The following MAPKAP1 variants were observed in gnomAD, a reference collection of about 807,000 sequenced individuals.
The protein encoded by MAPKAP1 is MAPK associated protein 1.
Under a neutral mutation model 65.7 loss-of-function variants are expected in MAPKAP1, and 20 were observed. That is an observed-to-expected ratio of 0.30 (90% CI 0.21 to 0.44). The LOEUF (loss-of-function observed/expected upper bound fraction) is 0.44, where lower values mean the gene tolerates loss of function less well. Among genes scored for constraint, MAPKAP1 ranks in the 20% least tolerant of loss-of-function variants. The pLI, the probability that MAPKAP1 is intolerant of heterozygous loss-of-function variation, is 1.00. For missense variants in MAPKAP1, 423 were observed against 648.0 expected (o/e 0.65, Z 3.77); for synonymous variants, 222 against 244.3 (o/e 0.91, Z 0.85).
At chr9:125,503,015 G>T (rs919732661) in intron 8 of MAPKAP1, among the ~76,000 whole-genome samples, 1 of 151,980 alleles carries the variant, frequency 6.6e-6, no homozygotes, top group Non-Finnish European at 1.5e-5. Context: ...TGAAGTAATG[G>T]TTTTTATATC....
chr9:125,454,684 A>C (rs960746609), intron 10 of MAPKAP1, among the ~76,000 whole-genome samples: 2 of 152,096 alleles, frequency 1.3e-5, no homozygotes, highest in African/African-American at 4.8e-5. Flanking sequence ...GTTTTTGTTT[A>C]GTTTTATTTT....
intron 8 of MAPKAP1, among the ~76,000 whole-genome samples, chr9:125,494,925 G>A (rs1854884538): frequency 6.6e-6 from 1 of 152,138 alleles, no homozygotes; most frequent in South Asian, 2.1e-4. Flanking sequence ...GCCCAGAGGA[G>A]GGCTCAATCA....
At chr9:125,448,924 G>T (rs1362803673) in intron 10 of MAPKAP1, among the ~76,000 whole-genome samples, 3 of 148,774 alleles carry the variant, frequency 2.0e-5, no homozygotes, top group Non-Finnish European at 4.4e-5. Flanking sequence ...AGAATTGCTT[G>T]AACCCAGGAG....
Position 125,657,790 on chromosome 9 carries a change from A to G in MAPKAP1, c.359T>C (p.Leu120Ser). The G allele has an allele frequency of 6.2e-7, 1 of 1,613,832 alleles. No homozygotes were observed. Among genetic ancestry groups the G allele is most frequent in the Non-Finnish European group, 8.5e-7 (1 of 1,179,826 alleles). The change falls in exon 4 of 12, where the codon TTA becomes TCA. Residue 120 changes from leucine (L) to serine (S), a missense_variant. By Grantham distance (145) the Leu-to-Ser change is moderately radical. This residue lies in a region of MAPKAP1 where 67 missense variants were observed against 69.6 expected (regional missense o/e 0.96). Coordinates refer to ENST00000265960, the MANE Select transcript of MAPKAP1 (RefSeq NM_001006617.3). ...ERNSKQSAQE[L>S]KSLFEKKSLK... ...AGATTTTTTTTCAAACAGTGACTTT[A>G]ACTCCTGGGCTGTGATACAAGAGGA...
chr9:125,568,310 A>C (rs1480967365), intron 5 of MAPKAP1, among the ~76,000 whole-genome samples: 1 of 152,170 alleles, frequency 6.6e-6, no homozygotes. Flanking sequence ...ACTGTGGATG[A>C]CAGGGTTAGG....
intron 10 of MAPKAP1, among the ~76,000 whole-genome samples, chr9:125,446,526 CG>C (rs1852721317): frequency 6.6e-6 from 1 of 152,128 alleles, no homozygotes; most frequent in African/African-American, 2.4e-5. Flanking sequence ...AGAATCTTGT[CG>C]GTGACATCCC....
chr9:125,681,597 A>G (rs1316636145), intron 1 of MAPKAP1, among the ~76,000 whole-genome samples: 1 of 152,220 alleles, frequency 6.6e-6, no homozygotes, highest in Non-Finnish European at 1.5e-5. Flanking sequence ...TTAAAAAAGA[A>G]CCTGGTAGAG....
intron 1 of MAPKAP1, 41 bp downstream of exon 1, chr9:125,706,930 T>G (rs1166295401): frequency 5.1e-6 from 2 of 390,652 alleles, no homozygotes; most frequent in East Asian, 7.2e-5. Context: ...GCTGGTGGGC[T>G]GACGGACGGG....
At chr9:125,699,123 TG>T (rs1449105614) in intron 1 of MAPKAP1, among the ~76,000 whole-genome samples, 1 of 152,218 alleles carries the variant, frequency 6.6e-6, no homozygotes, top group East Asian at 1.9e-4. Context: ...TGCAGTATCC[TG>T]GGGATAAGAC....
chr9:125,450,633 G>A (rs1317314872), intron 10 of MAPKAP1, among the ~76,000 whole-genome samples: 2 of 152,174 alleles, frequency 1.3e-5, no homozygotes, highest in African/African-American at 2.4e-5. Flanking sequence ...GAACAGCTTT[G>A]AGGCTTGGGA....
At chr9:125,563,632 TAAC>T (rs1830958420) in intron 5 of MAPKAP1, among the ~76,000 whole-genome samples, 1 of 152,202 alleles carries the variant, frequency 6.6e-6, no homozygotes, top group South Asian at 2.1e-4. Context: ...AGAAGGTACT[TAAC>T]AAACATTTGT....
At chr9:125,454,379 C>G (rs1213938672) in intron 10 of MAPKAP1, among the ~76,000 whole-genome samples, 3 of 152,214 alleles carry the variant, frequency 2.0e-5, no homozygotes, top group Non-Finnish European at 2.9e-5. Flanking sequence ...TTTGCAAGTA[C>G]TCTATGGGAG....
At chr9:125,586,685 G>A (rs1028361962) in intron 4 of MAPKAP1, among the ~76,000 whole-genome samples, 1 of 151,848 alleles carries the variant, frequency 6.6e-6, no homozygotes, top group African/African-American at 2.4e-5. Flanking sequence ...TCTGTTATCC[G>A]CCAACCTTCT....
chr9:125,546,475 A>G (rs1830428751), intron 6 of MAPKAP1, among the ~76,000 whole-genome samples: 1 of 152,186 alleles, frequency 6.6e-6, no homozygotes, highest in Admixed American at 6.5e-5. Context: ...AGTGGTTCTC[A>G]GCCTCCGTCT....
intron 6 of MAPKAP1, among the ~76,000 whole-genome samples, chr9:125,549,660 C>A (rs1422350629): frequency 6.6e-6 from 1 of 152,206 alleles, no homozygotes. Flanking sequence ...TGACTGCCCT[C>A]CGCCTTCTCC....
At chr9:125,678,217 C>T (rs574335963) in intron 1 of MAPKAP1, among the ~76,000 whole-genome samples, 68 of 152,094 alleles carry the variant, frequency 4.5e-4, no homozygotes, top group South Asian at 2.7e-3. Flanking sequence ...TATGCCAGGC[C>T]AACACAGGCA....
At chr9:125,665,575 T>C (rs1834316225) in intron 3 of MAPKAP1, among the ~76,000 whole-genome samples, 1 of 151,938 alleles carries the variant, frequency 6.6e-6, no homozygotes, top group African/African-American at 2.4e-5. Context: ...CTGACTCTTT[T>C]CGGACTCAGC....
intron 4 of MAPKAP1, among the ~76,000 whole-genome samples, chr9:125,599,380 C>A (rs932601209): frequency 6.6e-5 from 10 of 152,132 alleles, no homozygotes; most frequent in Non-Finnish European, 1.0e-4. Flanking sequence ...AATCTCTCTG[C>A]AAGTTTTACT....
intron 7 of MAPKAP1, among the ~76,000 whole-genome samples, chr9:125,534,576 G>A (rs1238470911): frequency 6.6e-6 from 1 of 152,182 alleles, no homozygotes; most frequent in East Asian, 1.9e-4. Context: ...GATTTCTTGA[G>A]AGCCTCTGCA....
Sources: allele counts gnomAD v4.1 joint callset (sites outside exome capture counted in the v4.1 genomes callset), GRCh38; gene constraint gnomAD v4.1.1; regional missense constraint gnomAD v4.1.1; transcripts MANE v1.5; gene names NCBI Gene and HGNC (gene_info 2026-07-23, HGNC 2026-07-21).